The following TUB variants were observed in gnomAD, a reference collection of about 807,000 sequenced individuals.
TUB encodes the protein TUB bipartite transcription factor.
Under a neutral mutation model 59.7 loss-of-function variants are expected in TUB, and 33 were observed. The ratio of observed to expected loss-of-function variants is 0.55; its 90% CI spans 0.42 to 0.74. TUB has a LOEUF of 0.74. Ranked by LOEUF, TUB falls within the 30% of genes least tolerant of loss-of-function variation. TUB has a pLI of 0.00. For synonymous variants in TUB, 293 were observed against 256.4 expected, an observed-to-expected ratio of 1.14 and a Z score of -1.36; for missense variants, 659 against 672.0, an observed-to-expected ratio of 0.98 and a Z score of 0.21.
chr11:8,097,785 A>G lies in TUB; in HGVS notation c.957A>G (p.Thr319=). The G allele has an allele frequency of 1.2e-6, 2 of 1,614,064 alleles. No homozygotes were observed. The highest frequency in any genetic ancestry group is 2.2e-5 in the East Asian group (1 of 44,874). ...TSNYLISVDP[T]DLSRGGDSYI... The stretch of plus-strand genomic sequence containing the variant: ...ATTACCTCATCTCTGTGGACCCAAC[A>G]GACTTGTCTCGAGGAGGGGACAGCT... Residue 319 remains threonine, a synonymous_variant, in exon 8 of 12, where the codon ACA becomes ACG. Coordinates refer to ENST00000299506, the MANE Select transcript of TUB (RefSeq NM_177972.3).
At chr11:8,050,382 T>C (rs2133752635) in intron 2 of TUB, among the ~76,000 whole-genome samples, 1 of 152,346 alleles carries the variant, frequency 6.6e-6, no homozygotes, top group South Asian at 2.1e-4. Context: ...TGTTCCATTC[T>C]AGTGGATGCT....
intron 2 of TUB, among the ~76,000 whole-genome samples, chr11:8,053,625 G>C (rs1055296872): frequency 6.6e-6 from 1 of 150,384 alleles, no homozygotes; most frequent in South Asian, 2.1e-4. Context: ...CTCAGTCTCC[G>C]GAGTAGCTGG....
chr11:8,053,026 A>G (rs992856778), intron 2 of TUB, among the ~76,000 whole-genome samples: 2 of 152,242 alleles, frequency 1.3e-5, no homozygotes, highest in Admixed American at 1.3e-4. Context: ...AACAATGCTT[A>G]GTTATATTCT....
chr11:8,039,202 C>A (rs537922965), intron 1 of TUB, among the ~76,000 whole-genome samples: 3 of 152,296 alleles, frequency 2.0e-5, no homozygotes, highest in African/African-American at 7.2e-5. Flanking sequence ...ACCCCTCTTG[C>A]TCCAGACAGG....
At chr11:8,064,240 G>A (rs1349693278) in intron 2 of TUB, among the ~76,000 whole-genome samples, 1 of 152,200 alleles carries the variant, frequency 6.6e-6, no homozygotes, top group Non-Finnish European at 1.5e-5. Context: ...AAGGGGAGAA[G>A]GAGAACCCGT....
At chr11:8,024,539 C>T (rs541633771) in intron 1 of TUB, among the ~76,000 whole-genome samples, 8 of 152,252 alleles carry the variant, frequency 5.3e-5, no homozygotes, top group African/African-American at 1.9e-4. Flanking sequence ...TCACATCAGG[C>T]ATCATCTTCT....
chr11:8,038,660 G>A (rs1942687084), exon 1 of TUB: 1 of 1,364,774 alleles, frequency 7.3e-7, no homozygotes, highest in Non-Finnish European at 9.5e-7. Context: ...GTCCTGAAGG[G>A]TTTGGGGGGA....
At chr11:8,098,704 C>T in intron 8 of TUB, 54 bp from the exon 9 acceptor site, 1 of 1,373,980 alleles carries the variant, frequency 7.3e-7, no homozygotes, top group Non-Finnish European at 1.0e-6. Context: ...TGAGCTGTTC[C>T]CTGCTCTGGG....
At chr11:8,055,038 C>G (rs1942996711) in intron 2 of TUB, among the ~76,000 whole-genome samples, 1 of 152,162 alleles carries the variant, frequency 6.6e-6, no homozygotes, top group Non-Finnish European at 1.5e-5. Context: ...CAGCCTGTGT[C>G]CCCTGGAAAC....
At chr11:8,030,288 A>G (rs1228460983) in intron 1 of TUB, among the ~76,000 whole-genome samples, 5 of 152,190 alleles carry the variant, frequency 3.3e-5, no homozygotes, top group Admixed American at 2.6e-4. Context: ...AGCTATGCCT[A>G]CAGTCTGGAG....
intron 2 of TUB, among the ~76,000 whole-genome samples, chr11:8,057,157 C>T (rs11041723): frequency 6.6e-6 from 1 of 151,844 alleles, no homozygotes; most frequent in East Asian, 1.9e-4. Context: ...TAGGGTGACT[C>T]TCCTGGAACT....
chr11:8,039,559 GT>G (rs1942708600), intron 1 of TUB: 1 of 1,248,462 alleles, frequency 8.0e-7, no homozygotes, highest in Admixed American at 3.4e-5. Flanking sequence ...GAGGCCTTGA[GT>G]GACCAGGTGT....
chr11:8,080,458 GTT>G (rs1257698288), upstream of TUB, among the ~76,000 whole-genome samples: 1 of 152,214 alleles, frequency 6.6e-6, no homozygotes, highest in African/African-American at 2.4e-5. Flanking sequence ...CTTTGTAGGG[GTT>G]TTTGCCTCCG....
At chr11:8,092,206 C>G (rs1160195646) in intron 3 of TUB, among the ~76,000 whole-genome samples, 1 of 152,102 alleles carries the variant, frequency 6.6e-6, no homozygotes, top group African/African-American at 2.4e-5. Flanking sequence ...CTTTGGGAGG[C>G]CAAGGCAGGA....
At chr11:8,096,345 G>T (rs1374423061) in intron 5 of TUB, among the ~76,000 whole-genome samples, 3 of 152,210 alleles carry the variant, frequency 2.0e-5, no homozygotes, top group Admixed American at 1.3e-4. Flanking sequence ...GGTGAGCTCA[G>T]TGCAGGCCTT....
At chr11:8,099,727 T>A (rs933646797) in intron 9 of TUB, among the ~76,000 whole-genome samples, 1 of 152,188 alleles carries the variant, frequency 6.6e-6, no homozygotes, top group African/African-American at 2.4e-5. Flanking sequence ...ATAAGAAATG[T>A]CAAGGTATGT....
chr11:8,045,623 T>G (rs1942819169), intron 2 of TUB, among the ~76,000 whole-genome samples: 1 of 152,240 alleles, frequency 6.6e-6, no homozygotes, highest in South Asian at 2.1e-4. Flanking sequence ...CATTTCAGAT[T>G]AGGGATGCTG....
chr11:8,020,098 T>G (rs1942400046), intron 1 of TUB, among the ~76,000 whole-genome samples: 1 of 152,272 alleles, frequency 6.6e-6, no homozygotes, highest in Non-Finnish European at 1.5e-5. Context: ...CATTTATTCC[T>G]AGGTTATGCC....
At chr11:8,078,341 T>G (rs1943483451), upstream of TUB, among the ~76,000 whole-genome samples, 1 of 152,138 alleles carries the variant, frequency 6.6e-6, no homozygotes, top group Non-Finnish European at 1.5e-5. Flanking sequence ...GGAGGCATGT[T>G]GGGATTGCTG....
Sources: gnomAD v4.1 joint callset for allele counts (sites outside exome capture counted in the v4.1 genomes callset) on GRCh38, gnomAD v4.1.1 for gene constraint, MANE v1.5 for transcripts, NCBI Gene and HGNC (gene_info 2026-07-23, HGNC 2026-07-21) for gene names.